The following STK3 variants were observed in gnomAD, a reference collection of about 807,000 sequenced individuals.
STK3 encodes serine/threonine-protein kinase 3.
STK3 carries 41 observed loss-of-function variants against 58.0 expected under a neutral mutation model. The ratio of observed to expected loss-of-function variants is 0.71; its 90% confidence interval spans 0.55 to 0.92. STK3 has a LOEUF of 0.92. Ranked by LOEUF, STK3 falls within the 40% of genes least tolerant of loss-of-function variation. The pLI is 0.00. For missense variants in STK3, 479 were observed against 602.7 expected, an observed-to-expected ratio of 0.79 and a Z score of 2.15; for synonymous variants, 170 against 191.0, an observed-to-expected ratio of 0.89 and a Z score of 0.91.
chr8:98,912,646 G>A (rs975701450), intron 1 of STK3, among the ~76,000 whole-genome samples: 1 of 152,154 alleles, frequency 6.6e-6, no homozygotes, highest in Non-Finnish European at 1.5e-5. Context: ...GAGTCCAAGA[G>A]GCTGAGTCAT....
At chr8:98,799,464 GAGAT>G (rs35190091) in intron 1 of STK3, among the ~76,000 whole-genome samples, 7,086 of 152,056 alleles carry the variant, frequency 0.047, 231 homozygotes, top group African/African-American at 0.088. Flanking sequence ...AAAAGAAAGG[GAGAT>G]AGAATTAGTA....
chr8:98,662,297 G>A (rs1822025251), intron 6 of STK3, among the ~76,000 whole-genome samples: 1 of 152,056 alleles, frequency 6.6e-6, no homozygotes, highest in Non-Finnish European at 1.5e-5. Context: ...CTTAATTTTT[G>A]TAGTTCATTC....
At chr8:98,851,501 T>C (rs1337944070) in intron 3 of STK3, among the ~76,000 whole-genome samples, 1 of 152,234 alleles carries the variant, frequency 6.6e-6, no homozygotes, top group Non-Finnish European at 1.5e-5. Flanking sequence ...TTCCTTAATG[T>C]AATCAACAAT....
intron 4 of STK3, among the ~76,000 whole-genome samples, chr8:98,740,423 C>G (rs1283945942): frequency 6.6e-6 from 1 of 152,196 alleles, no homozygotes; most frequent in African/African-American, 2.4e-5. Flanking sequence ...AGCCAGAAGA[C>G]AGTGGGGGCC....
At chr8:98,349,791 A>G in the STK3 span, among the ~76,000 whole-genome samples, 32 of 152,130 alleles carry the variant, frequency 2.1e-4, no homozygotes, top group Non-Finnish European at 4.4e-4. Context: ...CTTTTTAGTC[A>G]TGGCTGGAGC....
chr8:98,648,608 C>A (rs1734673132), intron 6 of STK3, among the ~76,000 whole-genome samples: 1 of 152,110 alleles, frequency 6.6e-6, no homozygotes, highest in Non-Finnish European at 1.5e-5. Context: ...ATGATGATAT[C>A]TCAGCCAGGC....
rs1831757235 is a variant in STK3, at chr8:98,777,284, T to C, written c.27-2465A>G. 2.6e-5 allele frequency among the ~76,000 whole-genome samples: 4 copies of C among 152,138 alleles called. No homozygotes were observed. The South Asian group carries it at 8.3e-4, about 32-fold the overall frequency. On this transcript the variant is annotated intron_variant, in intron 1 of 10. Coordinates refer to ENST00000419617, the MANE Select transcript of STK3 (RefSeq NM_006281.4). ...GGCTCACGCCTGTATTCCAGCACTTTGGGAGGCCGAGGTAGGCGTATCCTT... is the reference window on the plus strand; with the variant it reads ...GGCTCACGCCTGTATTCCAGCACTTCGGGAGGCCGAGGTAGGCGTATCCTT...
chr8:98,533,300 A>G (rs866247762), intron 9 of STK3, among the ~76,000 whole-genome samples: 1 of 152,116 alleles, frequency 6.6e-6, no homozygotes, highest in South Asian at 2.1e-4. Flanking sequence ...TTATTTTTTA[A>G]TATCTATCCA....
chr8:98,631,220 C>T (rs1039396415), intron 6 of STK3, among the ~76,000 whole-genome samples: 1 of 152,128 alleles, frequency 6.6e-6, no homozygotes, highest in Non-Finnish European at 1.5e-5. Flanking sequence ...AAGAACGAGC[C>T]GTTTAAATCA....
At chr8:98,777,520 AAAAG>A (rs1035335492) in intron 1 of STK3, among the ~76,000 whole-genome samples, 1 of 152,188 alleles carries the variant, frequency 6.6e-6, no homozygotes, top group African/African-American at 2.4e-5. Context: ...AAAAAAAGAA[AAAAG>A]AAATAGCAGA....
intron 3 of STK3, among the ~76,000 whole-genome samples, chr8:98,868,392 G>A (rs1229416843): frequency 6.6e-6 from 1 of 152,112 alleles, no homozygotes; most frequent in Non-Finnish European, 1.5e-5. Flanking sequence ...CAACACTCAG[G>A]GAGTTAAACC....
At chr8:98,612,431 T>C (rs892593331) in intron 6 of STK3, among the ~76,000 whole-genome samples, 1 of 149,624 alleles carries the variant, frequency 6.7e-6, no homozygotes, top group African/African-American at 2.4e-5. Context: ...TATATATACA[T>C]ATATATCAAT....
At chr8:98,920,189 A>C (rs958817684) in intron 1 of STK3, among the ~76,000 whole-genome samples, 3 of 152,182 alleles carry the variant, frequency 2.0e-5, no homozygotes, top group African/African-American at 7.2e-5. Flanking sequence ...CACAAACCTA[A>C]ACTGAAATTG....
chr8:98,719,228 G>A (rs1048877054), intron 4 of STK3, among the ~76,000 whole-genome samples: 12 of 152,102 alleles, frequency 7.9e-5, no homozygotes, highest in African/African-American at 2.9e-4. Context: ...TTTGTATAAA[G>A]ACTAAAAAGC....
the STK3 span, among the ~76,000 whole-genome samples, chr8:98,364,062 G>T: frequency 6.6e-6 from 1 of 152,138 alleles, no homozygotes; most frequent in African/African-American, 2.4e-5. Context: ...TTAGTGAGTT[G>T]GTGGGTGTCA....
At chr8:98,902,024 T>C (rs1838676252) in intron 1 of STK3, among the ~76,000 whole-genome samples, 1 of 152,158 alleles carries the variant, frequency 6.6e-6, no homozygotes, top group Non-Finnish European at 1.5e-5. Flanking sequence ...TTCCACACAA[T>C]TGAGCACTCC....
chr8:98,520,548 A>AT (rs1378179650), intron 10 of STK3, among the ~76,000 whole-genome samples: 40 of 151,004 alleles, frequency 2.6e-4, no homozygotes, highest in African/African-American at 7.5e-4. Flanking sequence ...GTTCTCTTTC[A>AT]TTTTTTTTTC....
intron 8 of STK3, among the ~76,000 whole-genome samples, chr8:98,568,063 T>TGATAGATAGATAGATA (rs10528436): frequency 1.0e-3 from 153 of 146,580 alleles, no homozygotes; most frequent in Middle Eastern, 3.4e-3. Context: ...CTTAGATAGA[T>TGATAGATAGATAGATA]GATAGATAGA....
chr8:98,413,929 T>C, intron 3 of STK3: 1 of 417,986 alleles, frequency 2.4e-6, no homozygotes. Flanking sequence ...TATTTGATTC[T>C]GTGTGTGGTA....
Sources: allele counts gnomAD v4.1 joint callset (sites outside exome capture counted in the v4.1 genomes callset), GRCh38; gene constraint gnomAD v4.1.1; transcripts MANE v1.5; gene names NCBI Gene and HGNC (gene_info 2026-07-23, HGNC 2026-07-21).